Variants in CCDC91 observed in about 807,000 individuals in gnomAD.
CCDC91 encodes the protein coiled-coil domain containing 91.
A neutral mutation model predicts 63.2 loss-of-function variants in CCDC91; 48 were observed. The observed-to-expected ratio is 0.76, with a 90% CI of 0.60 to 0.97. The LOEUF (loss-of-function observed/expected upper bound fraction) is 0.97. Among genes scored for constraint, CCDC91 ranks in the 50% least tolerant of loss-of-function variants. CCDC91 has a pLI of 0.00. For synonymous variants in CCDC91, 167 were observed against 165.8 expected (o/e 1.01, Z -0.06); for missense variants, 500 against 494.6 (o/e 1.01, Z -0.10).
chr12:28,407,097 C>T (rs186667508), intron 8 of CCDC91, among the ~76,000 whole-genome samples: 25 of 152,192 alleles, frequency 1.6e-4, no homozygotes, highest in South Asian at 2.1e-4. Flanking sequence ...CCTCCCACCC[C>T]GTGTCTTGCT....
intron 6 of CCDC91, among the ~76,000 whole-genome samples, chr12:28,315,767 A>G (rs1315557331): frequency 6.6e-6 from 1 of 151,770 alleles, no homozygotes; most frequent in Non-Finnish European, 1.5e-5. Flanking sequence ...CCTCTGCTAC[A>G]TCCACCTAGT....
intron 3 of CCDC91, among the ~76,000 whole-genome samples, chr12:28,269,543 C>T (rs921721876): frequency 2.0e-5 from 3 of 152,014 alleles, no homozygotes; most frequent in African/African-American, 7.2e-5. Context: ...GTGTCTGCTC[C>T]CCCCAACCAA....
intron 1 of CCDC91, among the ~76,000 whole-genome samples, chr12:28,226,612 A>G (rs1448948142): frequency 2.0e-5 from 3 of 152,212 alleles, no homozygotes; most frequent in African/African-American, 7.2e-5. Flanking sequence ...GAGTTCTCAG[A>G]AACCTCATAC....
rs1942835649 is a variant in CCDC91, at chr12:28,206,208, A to G, written c.-15+15567A>G. ...CTAGTGAGTGAGCTCAGTCTAAAACAATGGCCACCCATAATTTTGTTTAAA... is the reference window on the plus strand; with the variant it reads ...CTAGTGAGTGAGCTCAGTCTAAAACGATGGCCACCCATAATTTTGTTTAAA... On this transcript the variant is annotated intron_variant, in intron 1 of 12. Transcript: ENST00000536442. Among the ~76,000 whole-genome samples the G allele has an allele frequency of 1.3e-5, 2 of 152,192 alleles. 1 individual carries two copies. The highest frequency in any genetic ancestry group is 4.1e-4 in the South Asian group (2 of 4,834).
intron 12 of CCDC91, among the ~76,000 whole-genome samples, chr12:28,498,685 A>G (rs954345026): frequency 3.3e-5 from 5 of 151,696 alleles, no homozygotes. Context: ...ACTTTATAGT[A>G]TCACTACTCT....
At chr12:28,353,254 G>C (rs1292268790) in intron 6 of CCDC91, among the ~76,000 whole-genome samples, 4 of 152,170 alleles carry the variant, frequency 2.6e-5, no homozygotes, top group African/African-American at 4.8e-5. Flanking sequence ...TGGCTTAGGG[G>C]GAAATGTTGT....
At chr12:28,196,163 T>C (rs1591939215) in intron 1 of CCDC91, among the ~76,000 whole-genome samples, 2 of 152,354 alleles carry the variant, frequency 1.3e-5, no homozygotes. Context: ...TTTCTCTCTG[T>C]TTTTAAGCTT....
intron 8 of CCDC91, among the ~76,000 whole-genome samples, chr12:28,415,286 C>T (rs1565937055): frequency 1.3e-5 from 2 of 151,600 alleles, no homozygotes; most frequent in African/African-American, 2.4e-5. Context: ...TGCAATAGCA[C>T]GATCTCGGCT....
rs143719190 is a variant in CCDC91 at position 28,338,880 on chromosome 12, G to A, written c.577-23558G>A. On this transcript the variant is annotated intron_variant, in intron 6 of 12. Transcript: ENST00000536442. ...TTTTGAGACGGACTCTCGCTCTGTCGCCCAAGCTGGAGTGCAATGGCGCAA... is the reference window on the plus strand; with the variant it reads ...TTTTGAGACGGACTCTCGCTCTGTCACCCAAGCTGGAGTGCAATGGCGCAA... Among the ~76,000 whole-genome samples, 1,396 of 151,608 alleles carry A rather than the reference G, an allele frequency of 9.2e-3. 26 individuals carry two copies. Among genetic ancestry groups the A allele is most frequent in the African/African-American group, 0.032 (1,325 of 41,260 alleles).
At chr12:28,194,334 C>T (rs1341371119) in intron 1 of CCDC91, among the ~76,000 whole-genome samples, 1 of 152,088 alleles carries the variant, frequency 6.6e-6, no homozygotes, top group East Asian at 1.9e-4. Context: ...CTTACTGTGT[C>T]CAGAATTGGT....
chr12:28,246,388 A>G, intron 1 of CCDC91, among the ~76,000 whole-genome samples: 1 of 152,112 alleles, frequency 6.6e-6, no homozygotes, highest in East Asian at 1.9e-4. Flanking sequence ...TTTCTCTATT[A>G]TTTGTTGTAT....
At chr12:28,398,369 C>T (rs1236112502) in intron 8 of CCDC91, among the ~76,000 whole-genome samples, 1 of 151,854 alleles carries the variant, frequency 6.6e-6, no homozygotes, top group Non-Finnish European at 1.5e-5. Context: ...ATAATTTATA[C>T]CCTTTGATTG....
intron 1 of CCDC91, among the ~76,000 whole-genome samples, chr12:28,205,601 G>T (rs1330727660): frequency 6.6e-6 from 1 of 152,146 alleles, no homozygotes; most frequent in Non-Finnish European, 1.5e-5. Context: ...AAGAAGTTTT[G>T]TAGACAAAAA....
intron 8 of CCDC91, among the ~76,000 whole-genome samples, chr12:28,392,621 T>G (rs1946021610): frequency 6.6e-6 from 1 of 152,232 alleles, no homozygotes; most frequent in South Asian, 2.1e-4. Flanking sequence ...GGGAGAGAAC[T>G]GGAAATACTT....
intron 8 of CCDC91, among the ~76,000 whole-genome samples, chr12:28,404,205 T>A (rs141069740): frequency 0.012 from 1,884 of 152,216 alleles, 33 homozygotes; most frequent in African/African-American, 0.039. Flanking sequence ...TAAATTTTGA[T>A]AAGTTGTGTT....
chr12:28,210,033 C>T (rs982337650), intron 1 of CCDC91, among the ~76,000 whole-genome samples: 1 of 152,146 alleles, frequency 6.6e-6, no homozygotes, highest in Admixed American at 6.5e-5. Context: ...TCTGACTTGT[C>T]CTAAACATCC....
intron 1 of CCDC91, among the ~76,000 whole-genome samples, chr12:28,248,809 T>A (rs1945931910): frequency 1.3e-5 from 2 of 152,186 alleles, no homozygotes; most frequent in Admixed American, 1.3e-4. Context: ...ACTGTAGGGC[T>A]TGGAGCATGT....
intron 7 of CCDC91, among the ~76,000 whole-genome samples, chr12:28,370,076 T>C (rs1314262604): frequency 1.3e-5 from 2 of 152,232 alleles, no homozygotes; most frequent in East Asian, 1.9e-4. Context: ...TTGTTACATA[T>C]GCAAATTACT....
chr12:28,484,189 A>G lies in CCDC91; in HGVS notation c.1215+24A>G, dbSNP rs1951598713. On this transcript the variant is annotated intron_variant, in intron 12 of 12. Transcript: ENST00000536442. ...GGGTAAGTATCTCCTGAAGAGTTTT[A>G]ATTTGTGCTTCAATAAACTGAATCA... 2.2e-6 allele frequency: 3 copies of G among 1,347,560 alleles called. No individual in the cohort carries two copies. In the South Asian group the frequency reaches 3.9e-5, roughly 17 times the overall value. 83.5% of individuals were successfully genotyped at this position (1,347,560 alleles called of 1,614,324 possible).
Sources: allele counts gnomAD v4.1 joint callset (sites outside exome capture counted in the v4.1 genomes callset), GRCh38; gene constraint gnomAD v4.1.1; transcripts MANE v1.5; gene names NCBI Gene and HGNC (gene_info 2026-07-23, HGNC 2026-07-21).